Variants in CDKAL1 observed in about 807,000 individuals in gnomAD.
CDKAL1 encodes the protein threonylcarbamoyladenosine tRNA methylthiotransferase.
In CDKAL1, 32 loss-of-function variants were observed where a neutral mutation model predicts 68.2. The observed-to-expected ratio is 0.47, with a 90% confidence interval of 0.35 to 0.63. CDKAL1 has a LOEUF of 0.63. Ranked by LOEUF, CDKAL1 falls within the 30% of genes least tolerant of loss-of-function variation. CDKAL1 has a pLI of 0.00. For missense variants in CDKAL1, 606 were observed against 696.7 expected, an observed-to-expected ratio of 0.87 and a Z score of 1.47; for synonymous variants, 234 against 244.3, an observed-to-expected ratio of 0.96 and a Z score of 0.39.
intron 11 of CDKAL1, among the ~76,000 whole-genome samples, chr6:21,052,229 T>C (rs1770579006): frequency 6.6e-6 from 1 of 152,254 alleles, no homozygotes; most frequent in African/African-American, 2.4e-5. Flanking sequence ...TCCCTATTGT[T>C]ATATGATGTT....
rs548252279 is a variant in CDKAL1 at position 20,886,502 on chromosome 6, A to G, written c.742+40324A>G. ...GGAAACAACCCAAATGACCATTAAC[A>G]CATGAATGGATAAACAAAATATTGG... On this transcript the variant is annotated intron_variant, in intron 9 of 15. Coordinates refer to ENST00000274695, the MANE Select transcript of CDKAL1 (RefSeq NM_017774.3). 4.6e-5 allele frequency among the ~76,000 whole-genome samples: 7 copies of G among 152,356 alleles called. 1 individual carries two copies. The highest frequency in any genetic ancestry group is 1.4e-4 in the African/African-American group (6 of 41,586).
At chr6:21,218,537 G>A (rs994724300) in intron 15 of CDKAL1, among the ~76,000 whole-genome samples, 1 of 152,240 alleles carries the variant, frequency 6.6e-6, no homozygotes, top group African/African-American at 2.4e-5. Context: ...AGGCCCAACT[G>A]GGGAGGATCT....
chr6:21,147,405 G>A (rs1318917407), intron 13 of CDKAL1, among the ~76,000 whole-genome samples: 1 of 152,118 alleles, frequency 6.6e-6, no homozygotes, highest in Non-Finnish European at 1.5e-5. Context: ...ATATGATGGG[G>A]GTAATGGGGC....
At chr6:21,123,025 T>C (rs921864837) in intron 13 of CDKAL1, among the ~76,000 whole-genome samples, 10 of 152,178 alleles carry the variant, frequency 6.6e-5, no homozygotes, top group African/African-American at 2.2e-4. Context: ...TATATATGTG[T>C]ATGTATAGAT....
At chr6:20,613,644 A>T (rs961468662) in intron 4 of CDKAL1, among the ~76,000 whole-genome samples, 1 of 148,858 alleles carries the variant, frequency 6.7e-6, no homozygotes, top group Non-Finnish European at 1.5e-5. Flanking sequence ...GGATATTTAT[A>T]TACAGTAAAT....
chr6:20,663,364 G>A (rs529254188), intron 5 of CDKAL1, among the ~76,000 whole-genome samples: 2 of 152,062 alleles, frequency 1.3e-5, no homozygotes, highest in African/African-American at 4.8e-5. Context: ...TTTGGGACAA[G>A]ATACACATTT....
At chr6:20,582,514 G>A (rs1410528980) in intron 4 of CDKAL1, among the ~76,000 whole-genome samples, 4 of 152,094 alleles carry the variant, frequency 2.6e-5, no homozygotes, top group Non-Finnish European at 5.9e-5. Flanking sequence ...TGACATATGA[G>A]GGTTTTTTTC....
At chr6:21,116,475 T>C (rs961106456) in intron 13 of CDKAL1, among the ~76,000 whole-genome samples, 1 of 152,210 alleles carries the variant, frequency 6.6e-6, no homozygotes, top group African/African-American at 2.4e-5. Flanking sequence ...AAGGTGAGTA[T>C]GCTAGTAAAT....
chr6:20,960,140 TG>T (rs1272685405), intron 10 of CDKAL1, among the ~76,000 whole-genome samples: 10 of 152,194 alleles, frequency 6.6e-5, no homozygotes, highest in African/African-American at 2.2e-4. Context: ...TTTTTTGAGA[TG>T]GGGTTTTGCT....
At chr6:20,715,677 G>C (rs1485957562) in intron 5 of CDKAL1, among the ~76,000 whole-genome samples, 1 of 152,136 alleles carries the variant, frequency 6.6e-6, no homozygotes, top group Non-Finnish European at 1.5e-5. Context: ...CCTTCCAACA[G>C]TGCACAAGGG....
At chr6:20,649,431 C>A (rs1768643723) in intron 5 of CDKAL1, 54 bp downstream of exon 5, 1 of 960,138 alleles carries the variant, frequency 1.0e-6, no homozygotes, top group African/African-American at 1.7e-5. Context: ...AGAATTGATA[C>A]CAAAAGATTA....
chr6:20,835,087 G>C (rs1036732281), intron 8 of CDKAL1, among the ~76,000 whole-genome samples: 1 of 152,106 alleles, frequency 6.6e-6, no homozygotes, highest in Non-Finnish European at 1.5e-5. Flanking sequence ...CTAATTTATA[G>C]TGAAAGAAAG....
At position 20,535,956 on chromosome 6, in the gene CDKAL1, C is replaced by T. The variant is rs539882718; in HGVS notation, c.-6+562C>T. On this transcript the variant is annotated intron_variant, in intron 2 of 15. Coordinates refer to ENST00000274695, the MANE Select transcript of CDKAL1 (RefSeq NM_017774.3). The stretch of plus-strand genomic sequence containing the variant: ...TTTGTATGTGTGTGTTTTTGAGACA[C>T]GGCTTCCCTATGCCACCCAGGCCAG... Among the ~76,000 whole-genome samples the T allele has an allele frequency of 5.9e-5, 9 of 152,230 alleles. No individual in the cohort carries two copies. The East Asian group carries it at 9.6e-4, about 16-fold the overall frequency.
chr6:20,735,119 C>T (rs1170959093), intron 5 of CDKAL1, among the ~76,000 whole-genome samples: 1 of 152,176 alleles, frequency 6.6e-6, no homozygotes, highest in African/African-American at 2.4e-5. Flanking sequence ...ACCCACCCGC[C>T]TTGGCCTCCC....
chr6:20,998,004 TC>T (rs1177915739), intron 10 of CDKAL1, among the ~76,000 whole-genome samples: 3 of 152,232 alleles, frequency 2.0e-5, no homozygotes, highest in Non-Finnish European at 2.9e-5. Context: ...GTGAATATTA[TC>T]CTTCTCTCCA....
intron 9 of CDKAL1, among the ~76,000 whole-genome samples, chr6:20,938,662 C>A (rs1763835247): frequency 6.6e-6 from 1 of 152,064 alleles, no homozygotes; most frequent in Non-Finnish European, 1.5e-5. Flanking sequence ...ACCTTTTCTT[C>A]CCATTTTTGT....
chr6:20,692,092 G>C (rs2127803890), intron 5 of CDKAL1, among the ~76,000 whole-genome samples: 1 of 152,248 alleles, frequency 6.6e-6, no homozygotes, highest in African/African-American at 2.4e-5. Flanking sequence ...TGAATACTAA[G>C]ACATTTTGAC....
chr6:20,806,378 C>T (rs963477404), intron 8 of CDKAL1, among the ~76,000 whole-genome samples: 7 of 152,086 alleles, frequency 4.6e-5, no homozygotes, highest in African/African-American at 7.2e-5. Context: ...TTCAGTGTAC[C>T]GTTGGTGGGT....
At chr6:20,906,424 AC>A (rs1399749448) in intron 9 of CDKAL1, among the ~76,000 whole-genome samples, 1 of 152,188 alleles carries the variant, frequency 6.6e-6, no homozygotes, top group Non-Finnish European at 1.5e-5. Context: ...TTCCAATGCA[AC>A]CACAAAGAAA....
Sources: gnomAD v4.1 joint callset for allele counts (sites outside exome capture counted in the v4.1 genomes callset) on GRCh38, gnomAD v4.1.1 for gene constraint, MANE v1.5 for transcripts, NCBI Gene and HGNC (gene_info 2026-07-23, HGNC 2026-07-21) for gene names.